AKAP9: variants seen among roughly 807,000 people sequenced by gnomAD.
AKAP9 encodes A-kinase anchoring protein 9.
Under a neutral mutation model 488.5 loss-of-function variants are expected in AKAP9, and 311 were observed. That is an observed-to-expected ratio of 0.64 (90% CI 0.58 to 0.70). The LOEUF is 0.70. AKAP9 is among the 30% of genes least tolerant of loss of function. The pLI is 0.00. For synonymous variants in AKAP9, 1,462 were observed against 1,483.5 expected (o/e 0.99, Z 0.33); for missense variants, 4,215 against 4,374.5 (o/e 0.96, Z 1.03).
intron 1 of AKAP9, chr7:91,970,533 C>A (rs1306402037): frequency 2.2e-6 from 1 of 454,126 alleles, no homozygotes; most frequent in Non-Finnish European, 4.4e-6. Context: ...ATTCTCTCAG[C>A]TTTTGTTTGT....
At chr7:91,967,399 C>T (rs1794549455) in intron 1 of AKAP9, among the ~76,000 whole-genome samples, 1 of 152,120 alleles carries the variant, frequency 6.6e-6, no homozygotes, top group Non-Finnish European at 1.5e-5. Flanking sequence ...AGAGGAAAGG[C>T]TTTTAATTTT....
chr7:92,081,495 A>AT (rs1296911918), intron 31 of AKAP9, among the ~76,000 whole-genome samples: 424 of 100,418 alleles, frequency 4.2e-3, no homozygotes, highest in African/African-American at 0.017. Flanking sequence ...ATATATATAT[A>AT]TATTTTTTTT....
At chr7:91,973,332 G>A (rs978515068) in intron 1 of AKAP9, among the ~76,000 whole-genome samples, 1 of 152,146 alleles carries the variant, frequency 6.6e-6, no homozygotes, top group African/African-American at 2.4e-5. Context: ...CTGTGATGGC[G>A]CTACTGCACT....
intron 1 of AKAP9, chr7:91,970,350 G>T (rs1322527682): frequency 6.1e-6 from 2 of 329,620 alleles, no homozygotes; most frequent in Non-Finnish European, 1.2e-5. Context: ...AGAGTTATGA[G>T]TGGGCGCTAC....
chr7:92,089,349 T>C, intron 37 of AKAP9, 36 bp from the exon 38 acceptor site: 1 of 1,609,262 alleles, frequency 6.2e-7, no homozygotes, highest in Non-Finnish European at 8.5e-7. Flanking sequence ...GCCTTTACAT[T>C]GCTCTTCACT....
At chr7:91,950,148 T>C (rs1792008288) in intron 1 of AKAP9, among the ~76,000 whole-genome samples, 1 of 152,118 alleles carries the variant, frequency 6.6e-6, no homozygotes, top group Admixed American at 6.5e-5. Flanking sequence ...CTGAACACAC[T>C]ATAAAATTCC....
At position 92,071,007 on chromosome 7, in the gene AKAP9, G is replaced by T. The variant is rs1176650959; in HGVS notation, c.6610G>T (p.Glu2204Ter). 6.2e-7 allele frequency: 1 copy of T among 1,603,670 alleles called. No homozygotes were observed. The highest frequency in any genetic ancestry group is 8.5e-7 in the Non-Finnish European group (1 of 1,170,556). ...ERDAIDRKEK[E>*]ITNLEEQLEQ... ...AGATGCCATAGACAGAAAGGAAAAA[G>T]AGGTAAGGAGTTTATTTTTAAATGA... is the stretch of plus-strand genomic sequence containing the variant. Residue 2204 changes from glutamate to a stop codon, truncating the protein, a stop_gained and splice_region_variant, in exon 28 of 50, where the codon GAG (glutamate) becomes TAG (stop). Transcript: ENST00000356239. LOFTEE classifies it high-confidence loss of function.
chr7:92,044,872 T>C (rs1002320756), intron 20 of AKAP9, 136 bp from the exon 21 acceptor site: 49 of 563,006 alleles, frequency 8.7e-5, no homozygotes, highest in Non-Finnish European at 1.4e-4. Context: ...GTAGATGCTA[T>C]TGGGTATTTT....
chr7:92,002,437 T>A lies in AKAP9; in HGVS notation c.2520T>A (p.Asn840Lys). ...EDLKQQCIQL[N>K]EEIEKQRNTF... ...TCAAACAACAATGTATTCAGCTAAATGAAGAGATTGAAAAGCAAAGGAACA... is the reference window on the plus strand; with the variant it reads ...TCAAACAACAATGTATTCAGCTAAAAGAAGAGATTGAAAAGCAAAGGAACA... Residue 840 changes from asparagine (N) to lysine (K), a missense_variant, in exon 8 of 50, where the codon AAT becomes AAA. By Grantham distance (94) the Asn-to-Lys change is moderately conservative. This residue lies in a region of AKAP9 where 2,361 missense variants were observed against 2,430.0 expected (regional missense o/e 0.97). Transcript: ENST00000356239. The A allele has an allele frequency of 6.2e-7, 1 of 1,608,766 alleles. No homozygotes were observed. Among genetic ancestry groups the A allele is most frequent in the Non-Finnish European group, 8.5e-7 (1 of 1,178,602 alleles).
intron 38 of AKAP9, 125 bp downstream of exon 38, chr7:92,089,654 T>C (rs1309018992): frequency 3.7e-6 from 4 of 1,086,288 alleles, no homozygotes; most frequent in African/African-American, 3.1e-5. Context: ...ATTCTCATAA[T>C]GTTAAGGATA....
intron 21 of AKAP9, among the ~76,000 whole-genome samples, chr7:92,049,829 A>T (rs1052811438): frequency 2.0e-5 from 3 of 152,080 alleles, no homozygotes; most frequent in African/African-American, 7.2e-5. Flanking sequence ...ATTTTTAAAA[A>T]TTAGCCATTT....
rs1473679847 is a variant in AKAP9, at chr7:92,096,882, G to A, written c.9923G>A (p.Arg3308Gln). The A allele has an allele frequency of 8.1e-6, 13 of 1,613,994 alleles. No homozygotes were observed. In the East Asian group the frequency reaches 1.1e-4, roughly 14 times the overall value. The change falls in exon 41 of 50, where the codon CGA (arginine) becomes CAA (glutamine). Residue 3308 changes from arginine to glutamine, a missense_variant. Physicochemically the swap from Arg to Gln is conservative, Grantham distance 43 (BLOSUM62 1). Coordinates refer to ENST00000356239, the MANE Select transcript of AKAP9 (RefSeq NM_005751.5). The part of the protein sequence containing the change: ...LQVLLESEKV[R>Q]IREMSSTLDR... ...GTACTTCTTGAATCTGAGAAAGTTC[G>A]AATTCGGGAAATGAGTAGTACCCTA... is the stretch of plus-strand genomic sequence containing the variant.
rs1806733704 is a variant in AKAP9 at position 92,045,031 on chromosome 7, A to G, written c.5186A>G (p.Asn1729Ser). 4 of 1,613,020 alleles carry G rather than the reference A, an allele frequency of 2.5e-6. No individual in the cohort carries two copies. Among genetic ancestry groups the G allele is most frequent in the Non-Finnish European group, 1.7e-6 (2 of 1,179,070 alleles). ...AGGTATGCACTCCAGAAAGCTAATAATAGACTTTTGAAGATCCTCTTAGAA... is the reference window on the plus strand; with the variant it reads ...AGGTATGCACTCCAGAAAGCTAATAGTAGACTTTTGAAGATCCTCTTAGAA... ...NERYALQKAN[N>S]RLLKILLEVV... The change falls in exon 21 of 50, where the codon AAT (asparagine) becomes AGT (serine). Residue 1729 changes from asparagine to serine, a missense_variant. By Grantham distance (46) the Asn-to-Ser change is conservative. Transcript: ENST00000356239.
At chr7:92,077,165 G>A (rs1191738902) in intron 29 of AKAP9, among the ~76,000 whole-genome samples, 158 bp downstream of exon 29, 1 of 137,976 alleles carries the variant, frequency 7.2e-6, no homozygotes, top group Non-Finnish European at 1.5e-5. Context: ...GTGTGATCTC[G>A]GCTCATTGCA....
intron 1 of AKAP9, among the ~76,000 whole-genome samples, chr7:91,964,886 G>A (rs1038795865): frequency 4.6e-5 from 7 of 152,000 alleles, no homozygotes; most frequent in Non-Finnish European, 1.0e-4. Context: ...TCTCCTTTTA[G>A]AATAAATTTA....
In AKAP9 at chr7:92,086,405, A is replaced by C; in HGVS notation, c.9202A>C (p.Ile3068Leu). ...TTTACTAAACTGTTTGGAACAGAGA[A>C]TACAAGAACAGGTATAATGAAACTT... ...VGLLNCLEQR[I>L]QEQGVEYQAA... The change falls in exon 37 of 50, where the codon ATA becomes CTA. Residue 3068 changes from isoleucine (I) to leucine (L), a missense_variant. Physicochemically the swap from Ile to Leu is conservative, Grantham distance 5 (BLOSUM62 2). Coordinates refer to ENST00000356239, the MANE Select transcript of AKAP9 (RefSeq NM_005751.5). 6.2e-7 allele frequency: 1 copy of C among 1,613,040 alleles called. No individual in the cohort carries two copies. Among genetic ancestry groups the C allele is most frequent in the Non-Finnish European group, 8.5e-7 (1 of 1,178,978 alleles).
intron 8 of AKAP9, among the ~76,000 whole-genome samples, chr7:92,010,951 C>T (rs1800664311): frequency 6.6e-6 from 1 of 152,020 alleles, no homozygotes. Flanking sequence ...CTGTGTCCAG[C>T]CCATATAGTC....
chr7:92,100,127 C>CCTG, intron 44 of AKAP9: 1 of 379,032 alleles, frequency 2.6e-6, no homozygotes, highest in South Asian at 2.6e-5. Flanking sequence ...CACCTTATAC[C>CCTG]TGAGAAAACT....
intron 12 of AKAP9, among the ~76,000 whole-genome samples, chr7:92,018,770 C>T (rs1000051875): frequency 1.3e-5 from 2 of 152,176 alleles, no homozygotes; most frequent in Non-Finnish European, 2.9e-5. Context: ...TCCTCGTAAT[C>T]TGAATGCTTT....
Sources: gnomAD v4.1 joint callset for allele counts (sites outside exome capture counted in the v4.1 genomes callset) on GRCh38, gnomAD v4.1.1 for gene constraint, gnomAD v4.1.1 regional missense constraint, MANE v1.5 for transcripts, NCBI Gene and HGNC (gene_info 2026-07-23, HGNC 2026-07-21) for gene names.